The following GALNT17 variants were observed in gnomAD, a reference collection of about 807,000 sequenced individuals.
GALNT17 encodes the protein polypeptide N-acetylgalactosaminyltransferase 17, also known as UDP-GalNAc:polypeptide N-acetylgalactosaminyltransferase-like 3.
A neutral mutation model predicts 63.7 loss-of-function variants in GALNT17; 29 were observed. The observed-to-expected ratio is 0.46, with a 90% CI of 0.34 to 0.62. GALNT17 has a LOEUF of 0.62. GALNT17 is among the 20% of genes least tolerant of loss of function. The probability of loss-of-function intolerance (pLI) is 0.01; values close to 1 mark genes in which losing one functional copy is unlikely to be tolerated. For missense variants in GALNT17, 603 were observed against 799.6 expected (o/e 0.75, Z 2.97); for synonymous variants, 305 against 318.3 (o/e 0.96, Z 0.45).
chr7:71,329,946 CAT>C (rs139039292), intron 1 of GALNT17, among the ~76,000 whole-genome samples: 9 of 149,174 alleles, frequency 6.0e-5, no homozygotes, highest in East Asian at 5.9e-4. Context: ...TATATACACA[CAT>C]ATGTGTGTGT....
At chr7:71,398,590 C>G (rs978700382) in intron 3 of GALNT17, among the ~76,000 whole-genome samples, 1 of 152,096 alleles carries the variant, frequency 6.6e-6, no homozygotes, top group Admixed American at 6.6e-5. Context: ...TAGTTTCTAT[C>G]TTTCATGTTG....
chr7:71,627,368 G>A (rs1212144591), intron 6 of GALNT17, among the ~76,000 whole-genome samples: 2 of 152,196 alleles, frequency 1.3e-5, no homozygotes, highest in Non-Finnish European at 2.9e-5. Flanking sequence ...ACAGTGACCT[G>A]TGGTTGCACC....
intron 5 of GALNT17, among the ~76,000 whole-genome samples, chr7:71,457,069 A>G (rs1045044935): frequency 3.3e-5 from 5 of 152,094 alleles, no homozygotes; most frequent in South Asian, 2.1e-4. Flanking sequence ...TACAAAAACA[A>G]TAGAGGCAGA....
In GALNT17 at chr7:71,472,330, G is replaced by T. The variant is rs148877410; in HGVS notation, c.962+51225G>T. Among the ~76,000 whole-genome samples the T allele has an allele frequency of 1.2e-3, 176 of 152,272 alleles. 2 individuals are homozygous for T. The highest frequency in any genetic ancestry group is 4.1e-3 in the African/African-American group (170 of 41,544). ...GGACACAAACATTTAGCTCATAATG[G>T]TTATTGTGGAAGATGTTTACTGAAC... is the stretch of plus-strand genomic sequence containing the variant. On this transcript the variant is annotated intron_variant, in intron 5 of 10. Coordinates refer to ENST00000333538, the MANE Select transcript of GALNT17 (RefSeq NM_022479.3).
intron 1 of GALNT17, chr7:71,300,422 C>G: frequency 2.2e-6 from 1 of 456,350 alleles, no homozygotes; most frequent in Non-Finnish European, 4.4e-6. Context: ...GTGTCCCTCT[C>G]TGCCACAGCT....
chr7:71,449,990 C>T (rs1294425434), intron 5 of GALNT17, among the ~76,000 whole-genome samples: 2 of 150,696 alleles, frequency 1.3e-5, no homozygotes, highest in Non-Finnish European at 1.5e-5. Flanking sequence ...TGTGGTGAGC[C>T]GAGATCGTGC....
chr7:71,632,900 T>A (rs1380781611), intron 6 of GALNT17, among the ~76,000 whole-genome samples: 1 of 151,200 alleles, frequency 6.6e-6, no homozygotes, highest in African/African-American at 2.4e-5. Context: ...GGCCAGGAGG[T>A]CGAGATCAGC....
intron 1 of GALNT17, among the ~76,000 whole-genome samples, chr7:71,235,558 A>C (rs116686747): frequency 6.6e-6 from 1 of 152,248 alleles, no homozygotes; most frequent in Non-Finnish European, 1.5e-5. Context: ...ATTAGTTTCC[A>C]TAAGACCAGA....
intron 2 of GALNT17, among the ~76,000 whole-genome samples, chr7:71,385,840 G>A (rs989641043): frequency 5.3e-5 from 8 of 152,178 alleles, no homozygotes; most frequent in Non-Finnish European, 8.8e-5. Flanking sequence ...GCTGAGGTGC[G>A]CAGATCGCTT....
intron 6 of GALNT17, among the ~76,000 whole-genome samples, chr7:71,575,357 T>A (rs1789518145): frequency 6.6e-6 from 1 of 151,236 alleles, no homozygotes; most frequent in South Asian, 2.1e-4. Flanking sequence ...TTTCATTCAA[T>A]GGAAAATTTT....
intron 6 of GALNT17, among the ~76,000 whole-genome samples, chr7:71,657,355 T>C (rs1232476726): frequency 2.6e-5 from 4 of 152,338 alleles, no homozygotes; most frequent in Admixed American, 2.6e-4. Context: ...AGTAAATATA[T>C]TGGAGAAGGT....
chr7:71,192,576 A>G (rs938652708), intron 1 of GALNT17, among the ~76,000 whole-genome samples: 1 of 151,814 alleles, frequency 6.6e-6, no homozygotes, highest in Non-Finnish European at 1.5e-5. Context: ...TTGTATTTTT[A>G]ATAGAGTTGG....
chr7:71,485,592 T>A (rs1787896509), intron 5 of GALNT17, among the ~76,000 whole-genome samples: 1 of 152,206 alleles, frequency 6.6e-6, no homozygotes, highest in African/African-American at 2.4e-5. Context: ...ACCCAGACAC[T>A]CCCACAGCTT....
At chr7:71,533,350 T>A (rs1047841969) in intron 5 of GALNT17, among the ~76,000 whole-genome samples, 1 of 152,236 alleles carries the variant, frequency 6.6e-6, no homozygotes, top group Non-Finnish European at 1.5e-5. Flanking sequence ...TTTCCTAAAT[T>A]TCTGGTTTCT....
intron 5 of GALNT17, among the ~76,000 whole-genome samples, chr7:71,466,875 T>G (rs766359197): frequency 1.3e-5 from 2 of 152,076 alleles, no homozygotes; most frequent in Non-Finnish European, 2.9e-5. Flanking sequence ...GTGATTTATG[T>G]TTTTGCCTGT....
intron 3 of GALNT17, among the ~76,000 whole-genome samples, chr7:71,412,329 C>T (rs983370739): frequency 4.6e-5 from 7 of 152,026 alleles, no homozygotes; most frequent in Non-Finnish European, 8.8e-5. Flanking sequence ...GTCTTCTTCC[C>T]TGCATTTCCT....
chr7:71,695,879 C>T (rs1001108766), intron 9 of GALNT17, among the ~76,000 whole-genome samples: 1 of 152,208 alleles, frequency 6.6e-6, no homozygotes, highest in African/African-American at 2.4e-5. Context: ...AGAGGGGCTC[C>T]TGTCCCCTGC....
At chr7:71,651,220 C>CAAAAA (rs71089971) in intron 6 of GALNT17, among the ~76,000 whole-genome samples, 24 of 67,448 alleles carry the variant, frequency 3.6e-4, no homozygotes, top group East Asian at 1.1e-3. Context: ...GATGGGAGCA[C>CAAAAA]AAAAAAAAAA....
chr7:71,675,712 C>T (rs149716364), intron 8 of GALNT17, among the ~76,000 whole-genome samples: 8 of 152,272 alleles, frequency 5.3e-5, no homozygotes, highest in East Asian at 1.9e-4. Flanking sequence ...GCCAGCCAGG[C>T]GCAGTGGTTC....
Sources: gnomAD v4.1 joint callset for allele counts (sites outside exome capture counted in the v4.1 genomes callset) on GRCh38, gnomAD v4.1.1 for gene constraint, MANE v1.5 for transcripts, NCBI Gene and HGNC (gene_info 2026-07-23, HGNC 2026-07-21) for gene names.